TMEM38B: variants seen among roughly 807,000 people sequenced by gnomAD.
The protein encoded by TMEM38B is trimeric intracellular cation channel type B.
A neutral mutation model predicts 28.7 loss-of-function variants in TMEM38B; 24 were observed. The ratio of observed to expected loss-of-function variants is 0.84; its 90% confidence interval spans 0.61 to 1.18. The LOEUF is 1.18. TMEM38B is among the 50% of genes most tolerant of loss of function. The probability of loss-of-function intolerance (pLI) is 0.00; values close to 1 mark genes in which losing one functional copy is unlikely to be tolerated. For missense variants in TMEM38B, 380 were observed against 350.9 expected, an observed-to-expected ratio of 1.08 and a Z score of -0.66; for synonymous variants, 131 against 127.7, an observed-to-expected ratio of 1.03 and a Z score of -0.17.
chr9:105,708,453 G>A (rs899457230), intron 2 of TMEM38B, among the ~76,000 whole-genome samples: 1 of 152,120 alleles, frequency 6.6e-6, no homozygotes, highest in Non-Finnish European at 1.5e-5. Context: ...TACAGATACT[G>A]AGGGACAACT....
intron 4 of TMEM38B, among the ~76,000 whole-genome samples, chr9:105,726,477 A>G (rs1459927507): frequency 6.6e-6 from 1 of 152,160 alleles, no homozygotes; most frequent in Non-Finnish European, 1.5e-5. Context: ...AGGATCATCA[A>G]TATCATCATC....
In TMEM38B at chr9:105,703,114, C is replaced by A. The variant is rs181191636; in HGVS notation, c.113-2483C>A. Among the ~76,000 whole-genome samples, 229 of 152,280 alleles carry A rather than the reference C, an allele frequency of 1.5e-3. 1 individual carries two copies. The highest frequency in any genetic ancestry group is 5.2e-3 in the African/African-American group (218 of 41,560). ...TTGGGGAAAATAATTCTATTGATAG[C>A]GTATTTCAAACATCTTAAGGTAGGA... On this transcript the variant is annotated intron_variant, in intron 1 of 5. Transcript: ENST00000374692.
chr9:105,694,973 G>A (rs778919942), intron 1 of TMEM38B, among the ~76,000 whole-genome samples: 1 of 152,224 alleles, frequency 6.6e-6, no homozygotes, highest in African/African-American at 2.4e-5. Flanking sequence ...GGGGGAGGAC[G>A]GAGGCTCTAG....
intron 5 of TMEM38B, among the ~76,000 whole-genome samples, chr9:105,763,274 T>A (rs533024772): frequency 6.6e-5 from 10 of 152,346 alleles, no homozygotes; most frequent in Admixed American, 5.2e-4. Context: ...TAGCTCTCAT[T>A]TGTCAATTTT....
At chr9:105,733,189 G>C (rs960191511) in intron 4 of TMEM38B, among the ~76,000 whole-genome samples, 1 of 152,138 alleles carries the variant, frequency 6.6e-6, no homozygotes, top group Admixed American at 6.6e-5. Flanking sequence ...GCGATGTGGT[G>C]CTGAGAAGAA....
chr9:105,711,328 C>G (rs1475322442), intron 2 of TMEM38B, among the ~76,000 whole-genome samples: 1 of 152,028 alleles, frequency 6.6e-6, no homozygotes, highest in East Asian at 1.9e-4. Context: ...GTAGTCCCAG[C>G]TACTTGGGAG....
intron 5 of TMEM38B, among the ~76,000 whole-genome samples, chr9:105,766,929 C>T (rs1049272909): frequency 3.0e-5 from 4 of 134,486 alleles, no homozygotes; most frequent in African/African-American, 1.1e-4. Context: ...TGTGGTGTTC[C>T]CCACCCTGTG....
intron 2 of TMEM38B, among the ~76,000 whole-genome samples, chr9:105,712,035 AG>A (rs1328602424): frequency 1.3e-5 from 2 of 151,996 alleles, no homozygotes; most frequent in Non-Finnish European, 2.9e-5. Context: ...CTTCTGCCTC[AG>A]CCTGAGTAGC....
intron 5 of TMEM38B, chr9:105,758,382 AT>A: frequency 7.9e-7 from 1 of 1,273,828 alleles, no homozygotes. Flanking sequence ...ATGGAATGAA[AT>A]TACCACATCT....
At chr9:105,705,542 G>A (rs1171325063) in intron 1 of TMEM38B, 55 bp from the exon 2 acceptor site, 5 of 1,508,140 alleles carry the variant, frequency 3.3e-6, no homozygotes, top group Non-Finnish European at 4.5e-6. Flanking sequence ...GTACTTTGGG[G>A]CTTGTTTAAT....
chr9:105,741,310 GTAACAGA>G (rs548219595), intron 4 of TMEM38B, among the ~76,000 whole-genome samples: 14 of 152,360 alleles, frequency 9.2e-5, no homozygotes, highest in Middle Eastern at 3.4e-3. Flanking sequence ...GTGTGCTGCT[GTAACAGA>G]TACCTGGGAT....
chr9:105,772,705 G>C (rs546486869), intron 5 of TMEM38B, among the ~76,000 whole-genome samples: 54 of 151,998 alleles, frequency 3.6e-4, no homozygotes, highest in Non-Finnish European at 6.6e-4. Context: ...CATAAAATTA[G>C]CTGTTTTAAA....
intron 4 of TMEM38B, among the ~76,000 whole-genome samples, chr9:105,732,879 A>T (rs1172778466): frequency 6.6e-6 from 1 of 152,150 alleles, no homozygotes; most frequent in Non-Finnish European, 1.5e-5. Flanking sequence ...GATGACACTG[A>T]ATCTATAAAT....
At chr9:105,729,028 G>A (rs1163780140) in intron 4 of TMEM38B, among the ~76,000 whole-genome samples, 1 of 152,140 alleles carries the variant, frequency 6.6e-6, no homozygotes, top group African/African-American at 2.4e-5. Context: ...CGTTCTGTAG[G>A]TTGCCTGTTC....
At chr9:105,748,977 C>T in intron 5 of TMEM38B, 1 of 1,020,688 alleles carries the variant, frequency 9.8e-7, no homozygotes. Flanking sequence ...TGGCTAAAAA[C>T]TTATCTACAG....
chr9:105,770,296 A>AGTTT (rs1250287660), intron 5 of TMEM38B, among the ~76,000 whole-genome samples: 1 of 152,152 alleles, frequency 6.6e-6, no homozygotes, highest in Non-Finnish European at 1.5e-5. Context: ...AGAGGTACTA[A>AGTTT]GTTTGCAGTA....
chr9:105,716,593 T>C (rs916445734), intron 2 of TMEM38B, among the ~76,000 whole-genome samples: 1 of 116,500 alleles, frequency 8.6e-6, no homozygotes, highest in Non-Finnish European at 1.7e-5. Context: ...AGTTTTGTTG[T>C]AAGTACAGTT....
At chr9:105,765,950 T>C (rs1421581986) in intron 5 of TMEM38B, among the ~76,000 whole-genome samples, 1 of 152,076 alleles carries the variant, frequency 6.6e-6, no homozygotes, top group African/African-American at 2.4e-5. Context: ...TATAGGTGTA[T>C]GCCACCACGC....
chr9:105,713,303 A>C (rs113468751), intron 2 of TMEM38B, among the ~76,000 whole-genome samples: 201 of 152,320 alleles, frequency 1.3e-3, no homozygotes, highest in African/African-American at 4.6e-3. Flanking sequence ...CCGGGGCTGC[A>C]GACCCAGGCA....
Sources: gnomAD v4.1 joint callset for allele counts (sites outside exome capture counted in the v4.1 genomes callset) on GRCh38, gnomAD v4.1.1 for gene constraint, MANE v1.5 for transcripts, NCBI Gene and HGNC (gene_info 2026-07-23, HGNC 2026-07-21) for gene names.